Variants in NPC1 observed in about 807,000 individuals in gnomAD.
NPC1 encodes the protein Niemann-Pick C1 protein.
A neutral mutation model predicts 140.4 loss-of-function variants in NPC1; 85 were observed. The observed-to-expected ratio is 0.61, with a 90% CI of 0.51 to 0.72. NPC1 has a LOEUF of 0.72. Among genes scored for constraint, NPC1 ranks in the 30% least tolerant of loss-of-function variants. The pLI, the probability that NPC1 is intolerant of heterozygous loss-of-function variation, is 0.00. For missense variants in NPC1, 1,504 were observed against 1,623.8 expected (o/e 0.93, Z 1.27); for synonymous variants, 656 against 624.8 (o/e 1.05, Z -0.74).
downstream of NPC1, chr18:23,526,632 TC>T (rs757743742): frequency 2.5e-6 from 4 of 1,613,364 alleles, no homozygotes; most frequent in East Asian, 8.9e-5. Context: ...CCTCTTAAAA[TC>T]CAGGTTACCT....
At chr18:23,507,984 G>A in intron 3 of NPC1, 1 of 1,610,122 alleles carries the variant, frequency 6.2e-7, no homozygotes, top group African/African-American at 1.3e-5. Flanking sequence ...TTTCCTTTCA[G>A]GATTTTTGTA....
At chr18:23,540,235 G>C (rs1373277895) in intron 17 of NPC1, among the ~76,000 whole-genome samples, 1 of 152,116 alleles carries the variant, frequency 6.6e-6, no homozygotes, top group African/African-American at 2.4e-5. Context: ...CTAGTTATTC[G>C]TGTTCTGCAG....
At chr18:23,534,293 C>G (rs2058591071) in intron 23 of NPC1, 153 bp downstream of exon 23, 2 of 699,974 alleles carry the variant, frequency 2.9e-6, no homozygotes, top group South Asian at 3.0e-5. Context: ...AACGTCCGTT[C>G]TGTCCACGAT....
intron 17 of NPC1, 146 bp downstream of exon 17, chr18:23,540,302 C>T (rs899365640): frequency 3.1e-5 from 21 of 685,418 alleles, no homozygotes; most frequent in African/African-American, 5.4e-5. Flanking sequence ...CAGTGCACTG[C>T]GACAGTTCTC....
At chr18:23,512,909 C>T (rs1034640714) in intron 3 of NPC1, among the ~76,000 whole-genome samples, 2 of 152,100 alleles carry the variant, frequency 1.3e-5, no homozygotes, top group Non-Finnish European at 2.9e-5. Flanking sequence ...CTTATCCCTT[C>T]CCTGCAGCCC....
intron 24 of NPC1, among the ~76,000 whole-genome samples, chr18:23,532,695 C>CTCT (rs372071500): frequency 2.9e-5 from 4 of 136,840 alleles, no homozygotes; most frequent in Non-Finnish European, 4.6e-5. Flanking sequence ...GTGCTCATCT[C>CTCT]TTTTTTTTTT....
chr18:23,577,732 G>A (rs2059306819), intron 1 of NPC1, among the ~76,000 whole-genome samples: 1 of 141,198 alleles, frequency 7.1e-6, no homozygotes, highest in Admixed American at 7.0e-5. Context: ...GGAGGGGGTG[G>A]GAGGCTCTGG....
At chr18:23,532,679 T>TA (rs1305379595) in intron 24 of NPC1, among the ~76,000 whole-genome samples, 2 of 144,714 alleles carry the variant, frequency 1.4e-5, no homozygotes, top group African/African-American at 2.6e-5. Flanking sequence ...GTCTCAGCCT[T>TA]CCAAAGTGCT....
intron 3 of NPC1, among the ~76,000 whole-genome samples, chr18:23,569,992 C>A (rs1192136058): frequency 6.6e-6 from 1 of 152,190 alleles, no homozygotes; most frequent in Non-Finnish European, 1.5e-5. Context: ...CGATTCAGTC[C>A]CAGTGACCAT....
At position 23,541,510 on chromosome 18, in the gene NPC1, T is replaced by A. The variant is rs1181843356; in HGVS notation, c.2246-77A>T. ...TCTGCAGGTCTTATGTTCATGTGCA[T>A]GTACAGATACAAGGAGCCAGCACAG... is the stretch of plus-strand genomic sequence containing the variant. On this transcript the variant is annotated intron_variant, in intron 14 of 24. Transcript: ENST00000269228. The A allele has an allele frequency of 4.4e-6, 7 of 1,595,918 alleles. No homozygotes were observed. In the East Asian group the frequency reaches 6.7e-5, roughly 15 times the overall value.
rs150105230 is a variant in NPC1, at chr18:23,539,603, A to G, written c.2796-133T>C. On this transcript the variant is annotated intron_variant, in intron 18 of 24. Coordinates refer to ENST00000269228, the MANE Select transcript of NPC1 (RefSeq NM_000271.5). ...CAGTCAAAAGAAAAACTACATGAGCACTTAATGAAAAAAGCCTTCAAAGTA... is the reference window on the plus strand; with the variant it reads ...CAGTCAAAAGAAAAACTACATGAGCGCTTAATGAAAAAAGCCTTCAAAGTA... 624 of 790,082 alleles carry G rather than the reference A, an allele frequency of 7.9e-4. 3 individuals are homozygous for G. The African/African-American group carries it at 9.4e-3, about 12-fold the overall frequency. 48.9% of individuals were successfully genotyped at this position (790,082 alleles called of 1,614,324 possible). A position where few individuals can be genotyped will look rare whatever the true frequency, so the allele number is the denominator to read the frequency against.
In NPC1 at chr18:23,544,958, A is replaced by G. The variant is rs764472245; in HGVS notation, c.1947+2T>C. On this transcript the variant is annotated splice_donor_variant, in intron 12 of 24. Transcript: ENST00000269228. LOFTEE classifies it high-confidence loss of function. Reference sequence around the variant, plus strand: ...AACATACACCACCCCCCCCCGGCTTACCAGAAGCCTGCGACAGCTTTTCAT... The same window carrying G: ...AACATACACCACCCCCCCCCGGCTTGCCAGAAGCCTGCGACAGCTTTTCAT... 2.3e-6 allele frequency: 3 copies of G among 1,289,618 alleles called. No homozygotes were observed. The highest frequency in any genetic ancestry group is 3.3e-6 in the Non-Finnish European group (3 of 922,810). The allele number at this position is 1,289,618 out of a possible 1,614,324, so 79.9% of individuals were successfully genotyped here. A position where few individuals can be genotyped will look rare whatever the true frequency, so the allele number is the denominator to read the frequency against.
downstream of NPC1, chr18:23,527,787 C>T (rs773473296): frequency 6.2e-7 from 1 of 1,611,290 alleles, no homozygotes; most frequent in South Asian, 1.1e-5. Flanking sequence ...AACATTGTGC[C>T]TTTCCAGTGT....
chr18:23,564,628 G>A (rs1004992180), intron 4 of NPC1, among the ~76,000 whole-genome samples: 5 of 152,036 alleles, frequency 3.3e-5, no homozygotes, highest in Admixed American at 1.3e-4. Context: ...CGGCCTTCTT[G>A]TCTTTTCTTG....
chr18:23,533,957 C>T (rs75505153), intron 23 of NPC1: 94 of 318,098 alleles, frequency 3.0e-4, no homozygotes, highest in African/African-American at 2.0e-3. Context: ...GACACTGCAT[C>T]GTGTCTCCCA....
At chr18:23,511,812 G>A (rs941778934) in intron 3 of NPC1, among the ~76,000 whole-genome samples, 1 of 152,016 alleles carries the variant, frequency 6.6e-6, no homozygotes, top group Non-Finnish European at 1.5e-5. Flanking sequence ...TAACCCTTCA[G>A]TAACATGCTT....
intron 5 of NPC1, among the ~76,000 whole-genome samples, chr18:23,560,772 A>C (rs2059027250): frequency 6.6e-6 from 1 of 152,184 alleles, no homozygotes; most frequent in Admixed American, 6.5e-5. Flanking sequence ...TCAGGAGCTA[A>C]TACTATAGCA....
chr18:23,531,555 C>A lies in NPC1; in HGVS notation c.*647G>T. 6.3e-7 allele frequency: 1 copy of A among 1,581,516 alleles called. No homozygotes were observed. Among genetic ancestry groups the A allele is most frequent in the Non-Finnish European group, 8.6e-7 (1 of 1,167,228 alleles). Reference sequence around the variant, plus strand: ...ATAAGTTAAAACCCAGTAGACACACCTACGAGATGCTTTCTTTGTCCCTCA... The same window carrying A: ...ATAAGTTAAAACCCAGTAGACACACATACGAGATGCTTTCTTTGTCCCTCA... On this transcript the variant is annotated 3_prime_UTR_variant, in exon 25 of 25. Coordinates refer to ENST00000269228, the MANE Select transcript of NPC1 (RefSeq NM_000271.5).
chr18:23,532,509 C>G (rs954114689), intron 24 of NPC1, among the ~76,000 whole-genome samples: 1 of 152,134 alleles, frequency 6.6e-6, no homozygotes, highest in Non-Finnish European at 1.5e-5. Context: ...ACACGACTCA[C>G]TGCATCCTAA....
Sources: allele counts gnomAD v4.1 joint callset (sites outside exome capture counted in the v4.1 genomes callset), GRCh38; gene constraint gnomAD v4.1.1; transcripts MANE v1.5; gene names NCBI Gene and HGNC (gene_info 2026-07-23, HGNC 2026-07-21).